The following CACNA2D3 variants were observed in gnomAD, a reference collection of about 807,000 sequenced individuals.
The protein encoded by CACNA2D3 is voltage-dependent calcium channel subunit alpha-2/delta-3.
CACNA2D3 carries 60 observed loss-of-function variants against 160.6 expected under a neutral mutation model. The observed-to-expected ratio is 0.37, with a 90% CI of 0.30 to 0.46. The LOEUF is 0.46. Ranked by LOEUF, CACNA2D3 falls within the 20% of genes least tolerant of loss-of-function variation. CACNA2D3 has a pLI of 1.00. For synonymous variants in CACNA2D3, 558 were observed against 492.9 expected (o/e 1.13, Z -1.75); for missense variants, 1,205 against 1,365.0 (o/e 0.88, Z 1.85).
Position 54,809,387 on chromosome 3 carries a change from C to T in CACNA2D3, c.1381-7466C>T, listed in dbSNP as rs1330804999. On this transcript the variant is annotated intron_variant, in intron 13 of 37. Transcript: ENST00000474759. ...ACTGCGGACTGCAGTGGCGCAATCT[C>T]GGCTCACTGCAAGCTCCGCTTCCCG... Among the ~76,000 whole-genome samples the T allele has an allele frequency of 2.3e-5, 3 of 129,790 alleles. No homozygotes were observed. In the East Asian group the frequency reaches 6.9e-4, roughly 30 times the overall value. 85.1% of individuals were successfully genotyped at this position (129,790 alleles called of 152,430 possible).
intron 4 of CACNA2D3, among the ~76,000 whole-genome samples, chr3:54,390,232 G>A (rs1191811989): frequency 6.6e-6 from 1 of 152,044 alleles, no homozygotes; most frequent in East Asian, 1.9e-4. Flanking sequence ...ATTCTTTTTT[G>A]TCCATCTGAA....
At chr3:55,035,014 GAT>G (rs1011770797) in intron 35 of CACNA2D3, among the ~76,000 whole-genome samples, 4 of 151,956 alleles carry the variant, frequency 2.6e-5, no homozygotes, top group African/African-American at 9.7e-5. Context: ...TGGGACATAA[GAT>G]ATAACTTTTA....
At chr3:54,698,173 A>G (rs925908667) in intron 11 of CACNA2D3, among the ~76,000 whole-genome samples, 1 of 152,212 alleles carries the variant, frequency 6.6e-6, no homozygotes, top group African/African-American at 2.4e-5. Context: ...ACTGCCTGTC[A>G]GTGTGGAACT....
chr3:54,179,134 A>G (rs1266609213), intron 2 of CACNA2D3, among the ~76,000 whole-genome samples: 1 of 152,200 alleles, frequency 6.6e-6, no homozygotes, highest in Non-Finnish European at 1.5e-5. Flanking sequence ...TGTGACCCTC[A>G]TCAGAGGCCC....
intron 14 of CACNA2D3, among the ~76,000 whole-genome samples, chr3:54,830,973 C>A (rs1046162096): frequency 6.6e-6 from 1 of 152,046 alleles, no homozygotes; most frequent in Non-Finnish European, 1.5e-5. Context: ...TATACACACA[C>A]ATATAAAATA....
intron 37 of CACNA2D3, 84 bp from the exon 38 acceptor site, chr3:55,074,012 AAGACTTCGTTCTTACGTT>A: frequency 8.7e-7 from 1 of 1,151,420 alleles, no homozygotes; most frequent in Admixed American, 1.8e-5. Context: ...TAGGTCCCAG[AAGACTTCGTTCTTACGTT>A]AGAGAGGGGG....
intron 4 of CACNA2D3, among the ~76,000 whole-genome samples, chr3:54,414,043 A>G (rs1699715386): frequency 6.6e-6 from 1 of 151,874 alleles, no homozygotes. Flanking sequence ...GTTTAAATCA[A>G]TTAAATTTAT....
intron 11 of CACNA2D3, among the ~76,000 whole-genome samples, chr3:54,733,222 C>T (rs1319384233): frequency 1.3e-5 from 2 of 152,220 alleles, no homozygotes; most frequent in Admixed American, 6.5e-5. Context: ...TGTAAACAGG[C>T]ACCTCAGCAG....
chr3:54,928,909 C>G (rs912681472), intron 27 of CACNA2D3, among the ~76,000 whole-genome samples: 12 of 152,126 alleles, frequency 7.9e-5, no homozygotes, highest in African/African-American at 2.9e-4. Context: ...AGGGAACTTT[C>G]CCACCAGGGA....
At chr3:54,882,463 T>C (rs1206166852) in intron 21 of CACNA2D3, among the ~76,000 whole-genome samples, 2 of 152,208 alleles carry the variant, frequency 1.3e-5, no homozygotes, top group Non-Finnish European at 1.5e-5. Flanking sequence ...TGGATTCTTT[T>C]TCAGTCACTA....
intron 21 of CACNA2D3, among the ~76,000 whole-genome samples, chr3:54,883,177 C>T (rs1448808784): frequency 6.6e-6 from 1 of 152,066 alleles, no homozygotes; most frequent in African/African-American, 2.4e-5. Flanking sequence ...GAGCATGCCA[C>T]CACGCCCAGC....
At chr3:54,985,598 G>A (rs1702597191) in intron 30 of CACNA2D3, among the ~76,000 whole-genome samples, 1 of 152,146 alleles carries the variant, frequency 6.6e-6, no homozygotes, top group African/African-American at 2.4e-5. Context: ...GATGGTTGAC[G>A]ATATAAGGTT....
intron 13 of CACNA2D3, among the ~76,000 whole-genome samples, chr3:54,767,693 A>G (rs1702249250): frequency 6.6e-6 from 1 of 152,120 alleles, no homozygotes; most frequent in African/African-American, 2.4e-5. Context: ...AATGATGATG[A>G]CAATAATAAT....
intron 11 of CACNA2D3, among the ~76,000 whole-genome samples, chr3:54,725,319 A>G (rs1012379897): frequency 1.3e-5 from 2 of 152,192 alleles, no homozygotes; most frequent in African/African-American, 2.4e-5. Context: ...TTCACAGCCA[A>G]ATTCTACCAG....
chr3:54,401,389 T>C (rs1298684160), intron 4 of CACNA2D3, among the ~76,000 whole-genome samples: 2 of 152,220 alleles, frequency 1.3e-5, no homozygotes, highest in African/African-American at 4.8e-5. Context: ...CATCCAGATC[T>C]GTGAAACTCA....
intron 5 of CACNA2D3, among the ~76,000 whole-genome samples, chr3:54,509,014 G>T (rs1441585674): frequency 7.2e-5 from 11 of 152,218 alleles, no homozygotes; most frequent in Non-Finnish European, 1.6e-4. Flanking sequence ...GGGCAGGGTT[G>T]CTGAATTTGG....
At chr3:54,343,480 C>T (rs1410705017) in intron 3 of CACNA2D3, among the ~76,000 whole-genome samples, 1 of 152,050 alleles carries the variant, frequency 6.6e-6, no homozygotes, top group East Asian at 1.9e-4. Context: ...GATGGGATTT[C>T]ACCATGTGGC....
intron 3 of CACNA2D3, among the ~76,000 whole-genome samples, chr3:54,341,895 AG>A (rs955364350): frequency 6.6e-6 from 1 of 152,196 alleles, no homozygotes; most frequent in Non-Finnish European, 1.5e-5. Context: ...TTGTTGAATT[AG>A]TAGAATGATA....
intron 11 of CACNA2D3, among the ~76,000 whole-genome samples, chr3:54,659,896 GGAA>G (rs1423048536): frequency 2.0e-5 from 3 of 152,114 alleles, no homozygotes; most frequent in African/African-American, 7.2e-5. Flanking sequence ...AAACATTTGT[GGAA>G]GAAGATCAGA....
Sources: gnomAD v4.1 joint callset for allele counts (sites outside exome capture counted in the v4.1 genomes callset) on GRCh38, gnomAD v4.1.1 for gene constraint, MANE v1.5 for transcripts, NCBI Gene and HGNC (gene_info 2026-07-23, HGNC 2026-07-21) for gene names.